The following EMSY variants were observed in gnomAD, a reference collection of about 807,000 sequenced individuals.
EMSY encodes EMSY transcriptional repressor, BRCA2 interacting, also known as BRCA2-interacting transcriptional repressor EMSY.
EMSY carries 26 observed loss-of-function variants against 134.6 expected under a neutral mutation model. The observed-to-expected ratio is 0.19, with a 90% CI of 0.14 to 0.27. EMSY has a LOEUF of 0.27. Ranked by LOEUF, EMSY falls within the 10% of genes least tolerant of loss-of-function variation. The pLI, the probability that EMSY is intolerant of heterozygous loss-of-function variation, is 1.00. For missense variants in EMSY, 1,305 were observed against 1,611.4 expected (o/e 0.81, Z 3.26); for synonymous variants, 579 against 577.8 (o/e 1.00, Z -0.03).
chr11:76,445,956 G>C (rs1446140128), intron 1 of EMSY, among the ~76,000 whole-genome samples: 1 of 152,278 alleles, frequency 6.6e-6, no homozygotes, highest in South Asian at 2.1e-4. Flanking sequence ...GGCTCACCTC[G>C]GGACACAGAG....
At chr11:76,446,134 C>G (rs943785582) in intron 1 of EMSY, among the ~76,000 whole-genome samples, 3 of 152,072 alleles carry the variant, frequency 2.0e-5, no homozygotes, top group Non-Finnish European at 2.9e-5. Context: ...TAGAGCGGCT[C>G]TACTCTGTGC....
intron 19 of EMSY, 114 bp downstream of exon 20, chr11:76,544,936 A>C: frequency 8.5e-7 from 1 of 1,181,324 alleles, no homozygotes; most frequent in Non-Finnish European, 1.2e-6. Flanking sequence ...GAGGAAACCC[A>C]AAAGCCTCAT....
chr11:76,513,951 G>A (rs1034560634), intron 10 of EMSY, among the ~76,000 whole-genome samples: 3 of 152,150 alleles, frequency 2.0e-5, no homozygotes, highest in African/African-American at 7.2e-5. Context: ...TCACTCTGAT[G>A]AAGTTGAGAA....
chr11:76,532,633 A>T (rs558428142), intron 14 of EMSY, among the ~76,000 whole-genome samples: 1 of 152,168 alleles, frequency 6.6e-6, no homozygotes, highest in Admixed American at 6.5e-5. Context: ...ATTAAAGATT[A>T]TTTATATTAT....
At chr11:76,537,563 T>C (rs1223601539) in intron 15 of EMSY, among the ~76,000 whole-genome samples, 1 of 152,258 alleles carries the variant, frequency 6.6e-6, no homozygotes, top group South Asian at 2.1e-4. Context: ...AAGGAGATGA[T>C]TTTTGTGTTA....
chr11:76,539,132 G>C lies in EMSY; in HGVS notation c.2516-467G>C, dbSNP rs182125413. Among the ~76,000 whole-genome samples the C allele has an allele frequency of 7.4e-4, 108 of 146,418 alleles. 1 individual carries two copies. Among genetic ancestry groups the C allele is most frequent in the African/African-American group, 2.5e-3 (104 of 41,160 alleles). On this transcript the variant is annotated intron_variant, in intron 16 of 20. Coordinates refer to ENST00000334736, the Ensembl canonical transcript of EMSY. ...AGATAGATTGTTTCTCTCCTATTCT[G>C]ATTAGATGACACCTGGAATACTGCT...
At chr11:76,510,827 C>G (rs1376722393) in intron 9 of EMSY, among the ~76,000 whole-genome samples, 1 of 152,186 alleles carries the variant, frequency 6.6e-6, no homozygotes. Context: ...ATCCCGAGTT[C>G]TTCTTCACTG....
intron 2 of EMSY, among the ~76,000 whole-genome samples, chr11:76,449,270 T>C (rs184853861): frequency 7.2e-5 from 11 of 151,978 alleles, no homozygotes; most frequent in Admixed American, 3.9e-4. Flanking sequence ...GTGAAGGAGG[T>C]TGGGAAGCTA....
At chr11:76,474,202 C>T (rs1948691761) in intron 8 of EMSY, among the ~76,000 whole-genome samples, 1 of 151,918 alleles carries the variant, frequency 6.6e-6, no homozygotes, top group African/African-American at 2.4e-5. Context: ...GTGTTCCTCC[C>T]ATATGAAAGA....
intron 8 of EMSY, among the ~76,000 whole-genome samples, chr11:76,481,578 A>T (rs1264206727): frequency 6.6e-6 from 1 of 152,174 alleles, no homozygotes; most frequent in East Asian, 1.9e-4. Context: ...ATCCACCATT[A>T]CTTAGGCTTG....
In EMSY at chr11:76,549,928, A is replaced by G. The variant is rs753063440; in HGVS notation, c.3775-24A>G. 3 of 1,533,560 alleles carry G rather than the reference A, an allele frequency of 2.0e-6. No individual in the cohort carries two copies. In the South Asian group the frequency reaches 3.7e-5, roughly 19 times the overall value. The allele number at this position is 1,533,560 out of a possible 1,614,324, so 95.0% of individuals were successfully genotyped here. On this transcript the variant is annotated intron_variant, in intron 20 of 20. Transcript: ENST00000334736. ...TCTGCTACCTTTTCTTACCATAAAGATTCTCCTGTGTCTTCTCTTCCAGGC... is the reference window on the plus strand; with the variant it reads ...TCTGCTACCTTTTCTTACCATAAAGGTTCTCCTGTGTCTTCTCTTCCAGGC...
chr11:76,472,210 C>T (rs911127986), intron 7 of EMSY, among the ~76,000 whole-genome samples: 4 of 152,290 alleles, frequency 2.6e-5, no homozygotes, highest in Admixed American at 2.0e-4. Flanking sequence ...ATGCCTGGCA[C>T]ATAGTAGGTG....
At chr11:76,544,512 A>G (rs759333540) in exon 19 of EMSY, 1 of 1,614,068 alleles carries the variant, frequency 6.2e-7, no homozygotes. Context: ...GACCAGCTCC[A>G]GCACAAACTC....
chr11:76,455,280 C>T (rs1947823964), intron 4 of EMSY, among the ~76,000 whole-genome samples: 1 of 151,878 alleles, frequency 6.6e-6, no homozygotes, highest in South Asian at 2.1e-4. Flanking sequence ...TAATTTTGAG[C>T]TTCTTAGGTT....
intron 13 of EMSY, among the ~76,000 whole-genome samples, chr11:76,527,155 A>G (rs1950873666): frequency 6.6e-6 from 1 of 152,168 alleles, no homozygotes; most frequent in Non-Finnish European, 1.5e-5. Context: ...ATATGTTGCT[A>G]GGCTACTGTT....
chr11:76,445,631 G>A (rs1484590521), intron 1 of EMSY, among the ~76,000 whole-genome samples: 1 of 152,134 alleles, frequency 6.6e-6, no homozygotes, highest in African/African-American at 2.4e-5. Context: ...ACAAGATCCT[G>A]GTTCCCCGAG....
At chr11:76,450,939 G>T (rs1171902839) in intron 2 of EMSY, among the ~76,000 whole-genome samples, 1 of 151,780 alleles carries the variant, frequency 6.6e-6, no homozygotes, top group East Asian at 1.9e-4. Context: ...AACTACAGGT[G>T]TGTACCACCA....
chr11:76,502,267 C>T (rs1355487473), intron 9 of EMSY, among the ~76,000 whole-genome samples: 1 of 107,124 alleles, frequency 9.3e-6, no homozygotes, highest in Admixed American at 1.2e-4. Context: ...ATACCAGAGG[C>T]TCAAGTAAGA....
chr11:76,537,738 T>C, intron 15 of EMSY, 57 bp from the exon 17 acceptor site: 1 of 1,461,700 alleles, frequency 6.8e-7, no homozygotes, highest in East Asian at 2.3e-5. Flanking sequence ...TGGACAACTC[T>C]GGTTTTGGTA....
Sources: allele counts gnomAD v4.1 joint callset (sites outside exome capture counted in the v4.1 genomes callset), GRCh38; gene constraint gnomAD v4.1.1; transcripts MANE v1.5; gene names NCBI Gene and HGNC (gene_info 2026-07-23, HGNC 2026-07-21).